ECD: variants seen among roughly 807,000 people sequenced by gnomAD.
ECD encodes protein ecdysoneless homolog.
A neutral mutation model predicts 77.2 loss-of-function variants in ECD; 59 were observed. That is an observed-to-expected ratio of 0.76 (90% confidence interval 0.62 to 0.95). The LOEUF is 0.95. Among genes scored for constraint, ECD ranks in the 40% least tolerant of loss-of-function variants. The probability of loss-of-function intolerance (pLI) is 0.00; values close to 1 mark genes in which losing one functional copy is unlikely to be tolerated. For missense variants in ECD, 704 were observed against 763.4 expected, an observed-to-expected ratio of 0.92 and a Z score of 0.92; for synonymous variants, 233 against 267.4, an observed-to-expected ratio of 0.87 and a Z score of 1.26.
rs1280226922 is a variant in ECD, at chr10:73,134,440, C to G, written c.*143G>C. ...TCACAAAGACTTGTGCCAAGAGGGC[C>G]ACATTTGGGGCTCATGGAGAAGTCA... On this transcript the variant is annotated 3_prime_UTR_variant, in exon 14 of 14. Transcript: ENST00000372979. The G allele has an allele frequency of 5.1e-6, 4 of 783,558 alleles. No homozygotes were observed. Among genetic ancestry groups the G allele is most frequent in the Admixed American group, 2.8e-5 (1 of 35,232 alleles). 48.5% of individuals were successfully genotyped at this position (783,558 alleles called of 1,614,324 possible). A position where few individuals can be genotyped will look rare whatever the true frequency, so the allele number is the denominator to read the frequency against.
chr10:73,139,151 T>G (rs1843015328), intron 11 of ECD, among the ~76,000 whole-genome samples, 158 bp downstream of exon 11: 2 of 150,432 alleles, frequency 1.3e-5, no homozygotes, highest in Admixed American at 1.3e-4. Context: ...AAATCTGACT[T>G]CAAATAAGTA....
chr10:73,152,211 G>A, intron 7 of ECD, 82 bp downstream of exon 7: 1 of 1,499,370 alleles, frequency 6.7e-7, no homozygotes, highest in Non-Finnish European at 9.1e-7. Context: ...GTGTATTTCT[G>A]GACTTTGTAT....
Position 73,148,275 on chromosome 10 carries a change from C to T in ECD, c.1041+1G>A, listed in dbSNP as rs752407722. ...AAAAGCAAATATATTGCAAGTCCTA[C>T]CTTAAAGTAATCATTCTTTTTCAGA... On this transcript the variant is annotated splice_donor_variant, in intron 8 of 13. Coordinates refer to ENST00000372979, the MANE Select transcript of ECD (RefSeq NM_007265.3). LOFTEE classifies it high-confidence loss of function. The T allele has an allele frequency of 1.1e-5, 18 of 1,613,370 alleles. No individual in the cohort carries two copies. The highest frequency in any genetic ancestry group is 1.4e-5 in the Non-Finnish European group (17 of 1,179,670).
chr10:73,146,737 G>C (rs555466765), intron 8 of ECD, among the ~76,000 whole-genome samples: 3 of 151,812 alleles, frequency 2.0e-5, no homozygotes, highest in Non-Finnish European at 4.4e-5. Flanking sequence ...AGGAGTTCAG[G>C]ACCAGCCTGG....
At chr10:73,162,575 G>T (rs1453719129) in intron 2 of ECD, among the ~76,000 whole-genome samples, 1 of 152,142 alleles carries the variant, frequency 6.6e-6, no homozygotes, top group African/African-American at 2.4e-5. Flanking sequence ...AGCAATTGTT[G>T]CCAAAAGATA....
chr10:73,160,681 T>C, intron 2 of ECD, 130 bp from the exon 3 acceptor site: 1 of 597,478 alleles, frequency 1.7e-6, no homozygotes, highest in South Asian at 2.4e-5. Context: ...GGGGTTGCAA[T>C]CCTGAAGAAG....
chr10:73,160,783 G>A lies in ECD; in HGVS notation c.206-232C>T, dbSNP rs181967289. On this transcript the variant is annotated intron_variant, in intron 2 of 13. Transcript: ENST00000372979. The stretch of plus-strand genomic sequence containing the variant: ...CTCTAGAACAGGAGTGTGCAGTAAC[G>A]GCTATGTGAGTATAAAGGAGGGGAT... Among the ~76,000 whole-genome samples, 29 of 152,270 alleles carry A rather than the reference G, an allele frequency of 1.9e-4. No individual in the cohort carries two copies. The South Asian group carries it at 4.6e-3, about 24-fold the overall frequency.
chr10:73,162,429 A>G (rs1303522121), intron 2 of ECD, among the ~76,000 whole-genome samples: 1 of 152,248 alleles, frequency 6.6e-6, no homozygotes, highest in Non-Finnish European at 1.5e-5. Context: ...ATAAGAAAAC[A>G]GTAAAAATGG....
chr10:73,160,501 C>G lies in ECD; in HGVS notation c.256G>C (p.Glu86Gln). The change falls in exon 3 of 14, where the codon GAG becomes CAG. Residue 86 changes from glutamate (E) to glutamine (Q), a missense_variant. This residue lies in a region of ECD where 559 missense variants were observed against 583.7 expected (regional missense o/e 0.96). Transcript: ENST00000372979. ...ACATAAACAATAAACCATTCATCCTCAATGTTATCCCCAAACTTTGTCACG... is the reference window on the plus strand; with the variant it reads ...ACATAAACAATAAACCATTCATCCTGAATGTTATCCCCAAACTTTGTCACG... Reference protein sequence around the residue: ...FGVTKFGDNIEDEWFIVYVIK... With the variant: ...FGVTKFGDNIQDEWFIVYVIK... 1.2e-6 allele frequency: 2 copies of G among 1,611,932 alleles called. No individual in the cohort carries two copies. The highest frequency in any genetic ancestry group is 1.7e-6 in the Non-Finnish European group (2 of 1,179,162).
chr10:73,160,361 T>G, intron 3 of ECD, 73 bp downstream of exon 3: 1 of 1,014,092 alleles, frequency 9.9e-7, no homozygotes, highest in Non-Finnish European at 1.4e-6. Context: ...AATAAATTAC[T>G]AAATAGATAA....
At chr10:73,143,391 C>T (rs1843083408) in intron 9 of ECD, among the ~76,000 whole-genome samples, 1 of 152,152 alleles carries the variant, frequency 6.6e-6, no homozygotes, top group African/African-American at 2.4e-5. Context: ...TGGTCTTGAA[C>T]TCCTGACCTC....
intron 1 of ECD, among the ~76,000 whole-genome samples, chr10:73,166,671 C>T (rs945561324): frequency 1.3e-5 from 2 of 152,182 alleles, no homozygotes; most frequent in African/African-American, 4.8e-5. Context: ...TAGACTGCTT[C>T]CTAGAGAGTT....
Position 73,152,143 on chromosome 10 carries a change from C to A in ECD, c.912+150G>T, listed in dbSNP as rs1589117969. On this transcript the variant is annotated intron_variant, in intron 7 of 13. Coordinates refer to ENST00000372979, the MANE Select transcript of ECD (RefSeq NM_007265.3). ...GTCCCATCATCACTTACTAAGTAATCCATTTTTTTCATTCTAATTTGAAAT... is the reference window on the plus strand; with the variant it reads ...GTCCCATCATCACTTACTAAGTAATACATTTTTTTCATTCTAATTTGAAAT... 3.1e-6 allele frequency: 3 copies of A among 965,102 alleles called. No homozygotes were observed. The East Asian group carries it at 8.8e-5, about 28-fold the overall frequency. The allele number at this position is 965,102 out of a possible 1,614,324, so 59.8% of individuals were successfully genotyped here. A position where few individuals can be genotyped will look rare whatever the true frequency, so the allele number is the denominator to read the frequency against.
intron 9 of ECD, 99 bp downstream of exon 9, chr10:73,146,177 C>CA (rs1446070671): frequency 8.7e-6 from 5 of 577,040 alleles, no homozygotes; most frequent in East Asian, 1.2e-4. Flanking sequence ...GACTCCGTCT[C>CA]AAAAAAATAA....
In ECD at chr10:73,134,717, C is replaced by T; in HGVS notation, c.1801G>A (p.Val601Ile). 1 of 1,614,192 alleles carries T rather than the reference C, an allele frequency of 6.2e-7. No individual in the cohort carries two copies. Among genetic ancestry groups the T allele is most frequent in the South Asian group, 1.1e-5 (1 of 91,088 alleles). ...CTATAGGATTCCAATATATTTGAAA[C>T]CAGGTTCAGGTCTACATCTACTGGT... The part of the protein sequence containing the change: ...MAPVDVDLNL[V>I]SNILESYSSQ... The change falls in exon 14 of 14, where the codon GTT (valine) becomes ATT (isoleucine). Residue 601 changes from valine to isoleucine, a missense_variant. Val to Ile is a conservative substitution (Grantham distance 29). Transcript: ENST00000372979.
chr10:73,152,201 G>T, intron 7 of ECD, 92 bp downstream of exon 7: 2 of 1,424,548 alleles, frequency 1.4e-6, no homozygotes, highest in Non-Finnish European at 1.9e-6. Context: ...CATAAACAGG[G>T]TGTATTTCTG....
chr10:73,162,852 G>C (rs1843399430), intron 2 of ECD, among the ~76,000 whole-genome samples: 1 of 152,162 alleles, frequency 6.6e-6, no homozygotes, highest in African/African-American at 2.4e-5. Flanking sequence ...AAGGCCAGCT[G>C]GCAAGCCAAA....
At chr10:73,151,755 T>A (rs1843210704) in intron 7 of ECD, among the ~76,000 whole-genome samples, 1 of 152,218 alleles carries the variant, frequency 6.6e-6, no homozygotes, top group Non-Finnish European at 1.5e-5. Context: ...AATTGGCTAG[T>A]ATTATCATTT....
In ECD at chr10:73,136,666, T is replaced by C. The variant is rs762115534; in HGVS notation, c.1704+38A>G. On this transcript the variant is annotated intron_variant, in intron 13 of 13. Coordinates refer to ENST00000372979, the MANE Select transcript of ECD (RefSeq NM_007265.3). ...ATATGGTTTTAGCTATCTGACATAC[T>C]AGACTCAGAAAGAGAAAGAGGTTAA... The C allele has an allele frequency of 2.5e-6, 4 of 1,577,682 alleles. No individual in the cohort carries two copies. The African/African-American group carries it at 5.4e-5, about 21-fold the overall frequency.
Sources: allele counts gnomAD v4.1 joint callset (sites outside exome capture counted in the v4.1 genomes callset), GRCh38; gene constraint gnomAD v4.1.1; regional missense constraint gnomAD v4.1.1; transcripts MANE v1.5; gene names NCBI Gene and HGNC (gene_info 2026-07-23, HGNC 2026-07-21).